Variants in TAS1R1 observed in about 807,000 individuals in gnomAD.
TAS1R1 encodes taste 1 receptor member 1.
A neutral mutation model predicts 45.8 loss-of-function variants in TAS1R1; 31 were observed. That is an observed-to-expected ratio of 0.68 (90% CI 0.51 to 0.91). TAS1R1 has a LOEUF of 0.91. Ranked by LOEUF, TAS1R1 falls within the 40% of genes least tolerant of loss-of-function variation. The pLI, the probability that TAS1R1 is intolerant of heterozygous loss-of-function variation, is 0.00. For synonymous variants in TAS1R1, 437 were observed against 448.4 expected (o/e 0.97, Z 0.32); for missense variants, 1,051 against 1,063.9 (o/e 0.99, Z 0.17).
chr1:6,560,260 G>A (rs1316641968), intron 1 of TAS1R1, among the ~76,000 whole-genome samples: 1 of 152,162 alleles, frequency 6.6e-6, no homozygotes, highest in Admixed American at 6.5e-5. Flanking sequence ...TCATGCTGTT[G>A]TACTCCAGCC....
At chr1:6,558,696 A>G (rs1639727773) in intron 1 of TAS1R1, among the ~76,000 whole-genome samples, 1 of 150,432 alleles carries the variant, frequency 6.6e-6, no homozygotes, top group African/African-American at 2.4e-5. Flanking sequence ...CCTGGGTTAG[A>G]GTCTCCAGCG....
At chr1:6,575,487 G>T in intron 3 of TAS1R1, 95 bp downstream of exon 3, 1 of 1,342,036 alleles carries the variant, frequency 7.5e-7, no homozygotes, top group East Asian at 2.6e-5. Context: ...AATGCCAAGG[G>T]GGATAAATGC....
At chr1:6,576,391 C>T in intron 3 of TAS1R1, 24 bp from the exon 4 acceptor site, 1 of 1,613,042 alleles carries the variant, frequency 6.2e-7, no homozygotes, top group South Asian at 1.1e-5. Context: ...TCTGTGGTGG[C>T]TTCATGATAC....
chr1:6,562,191 C>G (rs532452500), intron 1 of TAS1R1, among the ~76,000 whole-genome samples: 2 of 152,174 alleles, frequency 1.3e-5, no homozygotes, highest in African/African-American at 4.8e-5. Context: ...GTTTTTGAGA[C>G]GGAGTCTCAC....
chr1:6,565,582 G>C (rs1639859936), intron 1 of TAS1R1, among the ~76,000 whole-genome samples: 1 of 152,162 alleles, frequency 6.6e-6, no homozygotes. Flanking sequence ...GGCAAAGATA[G>C]AGCAGGAGCG....
intron 1 of TAS1R1, among the ~76,000 whole-genome samples, chr1:6,567,546 T>G (rs1324501399): frequency 3.0e-5 from 4 of 134,158 alleles, no homozygotes; most frequent in Admixed American, 8.1e-5. Context: ...GGCGACAGAG[T>G]GAGACTCCGT....
chr1:6,574,791 AT>A lies in TAS1R1; in HGVS notation c.660del (p.Tyr220Ter). The A allele has an allele frequency of 6.2e-7, 1 of 1,614,246 alleles. No individual in the cohort carries two copies. Among genetic ancestry groups the A allele is most frequent in the Non-Finnish European group, 8.5e-7 (1 of 1,180,034 alleles). On this transcript the variant is annotated frameshift_variant, in exon 3 of 6. Coordinates refer to ENST00000333172, the MANE Select transcript of TAS1R1 (RefSeq NM_138697.4). LOFTEE classifies it high-confidence loss of function. The surrounding 1 kb of genome is among the most constrained non-coding windows in gnomAD (Gnocchi z 4.3). ...WISLVGSSDDYGQLGVQALEN... is the reference protein window; with the variant it reads ...WISLVGSSDDXGQLGVQALEN... Reference sequence around the variant, plus strand: ...TCTCTGGTTGGCAGCAGTGACGACTATGGGCAGCTAGGGGTGCAGGCACTGG... The same window carrying A: ...TCTCTGGTTGGCAGCAGTGACGACTAGGGCAGCTAGGGGTGCAGGCACTGG...
rs925900612 is a variant in TAS1R1 at position 6,579,694 on chromosome 1, C to T, written c.*110C>T. ...TGGGCATCGCGGTCTGGGGTTGGGACGTGTAAGCGCCTGGGAGAGCCTAGA... is the reference window on the plus strand; with the variant it reads ...TGGGCATCGCGGTCTGGGGTTGGGATGTGTAAGCGCCTGGGAGAGCCTAGA... On this transcript the variant is annotated 3_prime_UTR_variant, in exon 6 of 6. Coordinates refer to ENST00000333172, the MANE Select transcript of TAS1R1 (RefSeq NM_138697.4). 2 of 1,428,282 alleles carry T rather than the reference C, an allele frequency of 1.4e-6. No homozygotes were observed. The highest frequency in any genetic ancestry group is 1.4e-5 in the South Asian group (1 of 70,844). The allele number at this position is 1,428,282 out of a possible 1,614,324, so 88.5% of individuals were successfully genotyped here.
In TAS1R1 at chr1:6,578,869, T is replaced by G; in HGVS notation, c.1811T>G (p.Leu604Arg). 6.2e-7 allele frequency: 1 copy of G among 1,608,902 alleles called. No homozygotes were observed. Among genetic ancestry groups the G allele is most frequent in the Non-Finnish European group, 8.5e-7 (1 of 1,176,272 alleles). ...TPVVRSAGGRLCFLMLGSLAA... is the reference protein window; with the variant it reads ...TPVVRSAGGRRCFLMLGSLAA... ...GTGGTGAGGTCAGCAGGGGGCCGCC[T>G]GTGCTTTCTTATGCTGGGCTCCCTG... The change falls in exon 6 of 6, where the codon CTG (leucine) becomes CGG (arginine). Residue 604 changes from leucine (L) to arginine (R), a missense_variant. Coordinates refer to ENST00000333172, the MANE Select transcript of TAS1R1 (RefSeq NM_138697.4).
At chr1:6,576,717 AG>A in intron 4 of TAS1R1, 90 bp downstream of exon 4, 4 of 1,522,508 alleles carry the variant, frequency 2.6e-6, no homozygotes, top group African/African-American at 2.7e-5. Context: ...AGGGAGCAGG[AG>A]GGGGGCCCCA....
intron 1 of TAS1R1, among the ~76,000 whole-genome samples, chr1:6,567,257 A>G (rs947204753): frequency 4.6e-5 from 7 of 152,030 alleles, no homozygotes; most frequent in African/African-American, 7.2e-5. Flanking sequence ...TGGCCCTGGT[A>G]TTGATTAAAA....
intron 1 of TAS1R1, among the ~76,000 whole-genome samples, chr1:6,569,834 G>T (rs377525231): frequency 8.5e-5 from 13 of 152,240 alleles, no homozygotes; most frequent in South Asian, 8.3e-4. Flanking sequence ...TGGGTAAATG[G>T]CAGGAGTCTC....
At position 6,555,436 on chromosome 1, in the gene TAS1R1, T is replaced by C. The variant is rs927254071; in HGVS notation, c.63T>C (p.Phe21=). The C allele has an allele frequency of 6.2e-7, 1 of 1,607,872 alleles. No homozygotes were observed. Among genetic ancestry groups the C allele is most frequent in the Admixed American group, 1.7e-5 (1 of 59,406 alleles). Residue 21 remains phenylalanine (F), a synonymous_variant, in exon 1 of 6, where the codon TTT becomes TTC. Coordinates refer to ENST00000333172, the MANE Select transcript of TAS1R1 (RefSeq NM_138697.4). ...TTCTCATTTCCTGCTGCTGGGCCTT[T>C]GCCTGCCATAGCACGGAGTCTTCTC... The part of the protein sequence containing the change: ...LQLLISCCWA[F]ACHSTESSPD...
At chr1:6,576,800 A>C in intron 4 of TAS1R1, 150 bp from the exon 5 acceptor site, 1 of 1,417,556 alleles carries the variant, frequency 7.1e-7, no homozygotes, top group South Asian at 1.3e-5. Flanking sequence ...GCGAGTGTGC[A>C]GATGCCCTGG....
At chr1:6,559,212 TAAAG>T (rs1639739022) in intron 1 of TAS1R1, among the ~76,000 whole-genome samples, 1 of 151,696 alleles carries the variant, frequency 6.6e-6, no homozygotes, top group Admixed American at 6.6e-5. Context: ...GTACTTTTAA[TAAAG>T]ACAGGGTTTC....
At chr1:6,556,405 A>ATCTG (rs1332980437) in intron 1 of TAS1R1, among the ~76,000 whole-genome samples, 3 of 150,530 alleles carry the variant, frequency 2.0e-5, no homozygotes, top group African/African-American at 7.3e-5. Context: ...CTATCTATCT[A>ATCTG]TCTATATTTT....
In TAS1R1 at chr1:6,560,972, G is replaced by A. The variant is rs376647553; in HGVS notation, c.191+5408G>A. On this transcript the variant is annotated intron_variant, in intron 1 of 5. Transcript: ENST00000333172. Reference sequence around the variant, plus strand: ...GCACTCCAGCTTGGGCGACAGAGTCGGAAGACTCTGTCTCAAAAAAAAAAA... The same window carrying A: ...GCACTCCAGCTTGGGCGACAGAGTCAGAAGACTCTGTCTCAAAAAAAAAAA... 7.4e-4 allele frequency among the ~76,000 whole-genome samples: 74 copies of A among 100,222 alleles called. 2 individuals are homozygous for A. In the South Asian group the frequency reaches 0.022, roughly 30 times the overall value. The allele number at this position is 100,222 out of a possible 152,430, so 65.7% of individuals were successfully genotyped here.
rs748618815 is a variant in TAS1R1, at chr1:6,578,801, G to T, written c.1743G>T (p.Leu581=). The T allele has an allele frequency of 1.1e-5, 17 of 1,613,832 alleles. No individual in the cohort carries two copies. The highest frequency in any genetic ancestry group is 4.2e-6 in the Non-Finnish European group (5 of 1,179,866). The change falls in exon 6 of 6, where the codon CTG becomes CTT. Residue 581 remains leucine (L), a synonymous_variant. Transcript: ENST00000333172. ...CTAACACGCTGCTGCTGCTGCTGCTGCTTGGGACTGCTGGCCTGTTTGCCT... is the reference window on the plus strand; with the variant it reads ...CTAACACGCTGCTGCTGCTGCTGCTTCTTGGGACTGCTGGCCTGTTTGCCT... ...LAANTLLLLL[L]LGTAGLFAWH... is the part of the protein sequence containing the mutation.
chr1:6,556,444 A>C (rs1639686240), intron 1 of TAS1R1, among the ~76,000 whole-genome samples: 1 of 151,840 alleles, frequency 6.6e-6, no homozygotes, highest in African/African-American at 2.4e-5. Flanking sequence ...TCTGTCATCC[A>C]GGCTGGAGTG....
Sources: gnomAD v4.1 joint callset for allele counts (sites outside exome capture counted in the v4.1 genomes callset) on GRCh38, gnomAD v4.1.1 for gene constraint, Gnocchi (gnomAD v3.1) non-coding constraint, MANE v1.5 for transcripts, NCBI Gene and HGNC (gene_info 2026-07-23, HGNC 2026-07-21) for gene names.